Variants in HNF4A observed in about 807,000 individuals in gnomAD.
HNF4A encodes hepatocyte nuclear factor 4 alpha.
HNF4A carries 15 observed loss-of-function variants against 52.4 expected under a neutral mutation model. The observed-to-expected ratio is 0.29, with a 90% CI of 0.19 to 0.44. The LOEUF (loss-of-function observed/expected upper bound fraction) is 0.44, where lower values mean the gene tolerates loss of function less well. HNF4A is among the 20% of genes least tolerant of loss of function. HNF4A has a pLI of 1.00. For synonymous variants in HNF4A, 280 were observed against 264.4 expected, an observed-to-expected ratio of 1.06 and a Z score of -0.57; for missense variants, 479 against 647.2, an observed-to-expected ratio of 0.74 and a Z score of 2.82.
intron 1 of HNF4A, chr20:44,401,549 C>T (rs1033671075): frequency 2.5e-6 from 4 of 1,594,520 alleles, no homozygotes; most frequent in Non-Finnish European, 3.4e-6. Flanking sequence ...GGTCCAGGAG[C>T]AGATCTTTGG....
chr20:44,360,541 T>C (rs757518781), intron 1 of HNF4A, among the ~76,000 whole-genome samples: 1 of 151,940 alleles, frequency 6.6e-6, no homozygotes, highest in Non-Finnish European at 1.5e-5. Context: ...GGACAAATGA[T>C]GTGATGAGTG....
At chr20:44,370,344 A>C (rs776631874) in intron 1 of HNF4A, among the ~76,000 whole-genome samples, 1 of 152,114 alleles carries the variant, frequency 6.6e-6, no homozygotes, top group Non-Finnish European at 1.5e-5. Context: ...CCTTTTGACA[A>C]TCCTTCAATC....
intron 1 of HNF4A, among the ~76,000 whole-genome samples, chr20:44,387,864 G>A (rs924276317): frequency 6.6e-6 from 1 of 152,180 alleles, no homozygotes; most frequent in African/African-American, 2.4e-5. Context: ...TGATGAACTG[G>A]AAGGCATGAG....
At chr20:44,390,498 A>G (rs2146299271) in intron 1 of HNF4A, 1 of 617,038 alleles carries the variant, frequency 1.6e-6, no homozygotes, top group South Asian at 1.8e-5. Context: ...CCATCCCTGA[A>G]ATCTCATTGT....
chr20:44,369,946 A>T (rs1156772089), intron 1 of HNF4A, among the ~76,000 whole-genome samples: 1 of 152,130 alleles, frequency 6.6e-6, no homozygotes, highest in Non-Finnish European at 1.5e-5. Context: ...AGGCTCTCAC[A>T]GGCTCTGACT....
downstream of HNF4A, chr20:44,433,909 AC>A (rs1322410276): frequency 1.3e-5 from 2 of 152,356 alleles, no homozygotes; most frequent in East Asian, 1.9e-4. Flanking sequence ...TGCCAGTGCC[AC>A]ACTGATAGCT....
intron 1 of HNF4A, among the ~76,000 whole-genome samples, chr20:44,403,006 C>T (rs1003990334): frequency 1.3e-5 from 2 of 152,190 alleles, no homozygotes; most frequent in Non-Finnish European, 2.9e-5. Context: ...GCTGGCTGGA[C>T]GGCTTTTAGG....
chr20:44,364,071 G>T (rs991498160), intron 1 of HNF4A, among the ~76,000 whole-genome samples: 1 of 152,196 alleles, frequency 6.6e-6, no homozygotes, highest in Admixed American at 6.5e-5. Context: ...GGTCCTAAGA[G>T]TCAGGAAAGA....
intron 1 of HNF4A, among the ~76,000 whole-genome samples, chr20:44,401,678 G>C (rs1242750194): frequency 1.3e-5 from 2 of 152,266 alleles, no homozygotes; most frequent in Admixed American, 1.3e-4. Context: ...GGCATTCTGG[G>C]TGAAGGGAGG....
chr20:44,424,405 C>A, intron 8 of HNF4A, 151 bp downstream of exon 8: 2 of 1,345,420 alleles, frequency 1.5e-6, no homozygotes, highest in Non-Finnish European at 2.1e-6. Flanking sequence ...GTTTCCTCAC[C>A]AGAAAAATGG....
At chr20:44,385,939 A>C (rs565867632) in intron 1 of HNF4A, among the ~76,000 whole-genome samples, 1 of 151,670 alleles carries the variant, frequency 6.6e-6, no homozygotes, top group East Asian at 1.9e-4. Flanking sequence ...CACTCACTGG[A>C]ACCTCCACCT....
intron 3 of HNF4A, among the ~76,000 whole-genome samples, chr20:44,411,091 T>C (rs1019940648): frequency 4.6e-5 from 7 of 152,162 alleles, no homozygotes; most frequent in African/African-American, 1.7e-4. Flanking sequence ...TGGCCTAAGC[T>C]GTCAGGCCCA....
At chr20:44,413,870 C>A in intron 4 of HNF4A, 70 bp downstream of exon 4, 2 of 1,020,422 alleles carry the variant, frequency 2.0e-6, no homozygotes, top group East Asian at 2.5e-5. Context: ...CCTCCACCTC[C>A]ATTCTCCCCA....
At chr20:44,390,350 C>G (rs2146298451) in intron 1 of HNF4A, 1 of 422,098 alleles carries the variant, frequency 2.4e-6, no homozygotes, top group East Asian at 3.8e-5. Context: ...AGGGCCAGAG[C>G]AGGACCCAGG....
intron 1 of HNF4A, among the ~76,000 whole-genome samples, chr20:44,404,865 G>A (rs1266529145): frequency 1.8e-3 from 14 of 7,846 alleles, no homozygotes; most frequent in Admixed American, 5.0e-3. Context: ...GTGTGTGTGC[G>A]CGTGTGTGTG....
rs2063404329 is a variant in HNF4A, at chr20:44,401,316, G to C, written c.-57G>C. The C allele has an allele frequency of 1.3e-6, 2 of 1,548,196 alleles. No homozygotes were observed. Among genetic ancestry groups the C allele is most frequent in the Non-Finnish European group, 1.8e-6 (2 of 1,121,858 alleles). On this transcript the variant is annotated 5_prime_UTR_variant, in exon 1 of 10. Coordinates refer to ENST00000316099, the MANE Select transcript of HNF4A (RefSeq NM_000457.6). ...GGCAGTGGGAGGGCGGAGGGCGGGGGCCTTCGGGGTGGGCGCCCAGGGTAG... is the reference window on the plus strand; with the variant it reads ...GGCAGTGGGAGGGCGGAGGGCGGGGCCCTTCGGGGTGGGCGCCCAGGGTAG...
At chr20:44,398,946 G>A (rs1444336209), upstream of HNF4A, among the ~76,000 whole-genome samples, 5 of 152,242 alleles carry the variant, frequency 3.3e-5, no homozygotes, top group Non-Finnish European at 7.3e-5. Flanking sequence ...AAGAGGCCAT[G>A]TATTCCTGGA....
At chr20:44,360,529 A>T (rs896070012) in intron 1 of HNF4A, among the ~76,000 whole-genome samples, 8 of 152,116 alleles carry the variant, frequency 5.3e-5, no homozygotes, top group Non-Finnish European at 5.9e-5. Context: ...GGAAGGATGG[A>T]TGGACAAATG....
At chr20:44,387,655 C>CGG (rs1212441244) in intron 1 of HNF4A, among the ~76,000 whole-genome samples, 92 of 8,612 alleles carry the variant, frequency 0.011, 2 homozygotes, top group South Asian at 0.029. Context: ...TGGAGGCAGG[C>CGG]GGGGGGGGGG....
Sources: gnomAD v4.1 joint callset for allele counts (sites outside exome capture counted in the v4.1 genomes callset) on GRCh38, gnomAD v4.1.1 for gene constraint, MANE v1.5 for transcripts, NCBI Gene and HGNC (gene_info 2026-07-23, HGNC 2026-07-21) for gene names.